Variants in SPAG1 observed in about 807,000 individuals in gnomAD.
SPAG1 encodes sperm associated antigen 1.
SPAG1 carries 69 observed loss-of-function variants against 100.5 expected under a neutral mutation model. That is an observed-to-expected ratio of 0.69 (90% CI 0.57 to 0.84). The LOEUF (loss-of-function observed/expected upper bound fraction) is 0.84. Ranked by LOEUF, SPAG1 falls within the 40% of genes least tolerant of loss-of-function variation. SPAG1 has a pLI of 0.00. For missense variants in SPAG1, 955 were observed against 1,133.1 expected, an observed-to-expected ratio of 0.84 and a Z score of 2.26; for synonymous variants, 336 against 411.6, an observed-to-expected ratio of 0.82 and a Z score of 2.22.
chr8:100,240,810 A>G, intron 18 of SPAG1, 39 bp downstream of exon 18: 1 of 1,564,452 alleles, frequency 6.4e-7, no homozygotes, highest in Non-Finnish European at 8.6e-7. Context: ...AATTGGTTTT[A>G]TTAGGGTTTC....
chr8:100,165,093 G>A, intron 2 of SPAG1: 1 of 348,050 alleles, frequency 2.9e-6, no homozygotes, highest in Middle Eastern at 1.0e-3. Context: ...AACAGGGACA[G>A]ATGAGTCTCA....
intron 13 of SPAG1, among the ~76,000 whole-genome samples, chr8:100,222,627 T>A (rs1309874454): frequency 1.3e-5 from 2 of 152,168 alleles, no homozygotes; most frequent in Non-Finnish European, 2.9e-5. Flanking sequence ...ACCGGAAGTA[T>A]CTGGCAGAGA....
chr8:100,211,917 T>G (rs972816151), intron 10 of SPAG1, among the ~76,000 whole-genome samples: 1 of 152,218 alleles, frequency 6.6e-6, no homozygotes, highest in Non-Finnish European at 1.5e-5. Flanking sequence ...TGACCATTGT[T>G]TCTGCCGACC....
At chr8:100,220,540 C>G in intron 13 of SPAG1, 109 bp downstream of exon 13, 1 of 877,448 alleles carries the variant, frequency 1.1e-6, no homozygotes. Flanking sequence ...TTACTTTTAT[C>G]ACCTGAATGA....
intron 10 of SPAG1, among the ~76,000 whole-genome samples, chr8:100,209,414 G>T (rs189328463): frequency 1.3e-3 from 191 of 147,340 alleles, no homozygotes; most frequent in African/African-American, 4.5e-3. Flanking sequence ...TCATTAGAGT[G>T]AGACCCTGTC....
Position 100,184,368 on chromosome 8 carries a change from A to C in SPAG1, c.596-260A>C, listed in dbSNP as rs746421803. ...AATTGTTTTCTTTTTGCTTCAAAACAAAAAGATGGGGCAGTTTATTGGACT... is the reference window on the plus strand; with the variant it reads ...AATTGTTTTCTTTTTGCTTCAAAACCAAAAGATGGGGCAGTTTATTGGACT... On this transcript the variant is annotated intron_variant, in intron 6 of 18. Coordinates refer to ENST00000388798, the MANE Select transcript of SPAG1 (RefSeq NM_003114.5). Among the ~76,000 whole-genome samples the C allele has an allele frequency of 1.1e-3, 165 of 152,254 alleles. 2 individuals carry two copies. Among genetic ancestry groups the C allele is most frequent in the Non-Finnish European group, 2.2e-3 (147 of 68,000 alleles).
At chr8:100,184,150 G>A (rs922412518) in intron 6 of SPAG1, 88 bp downstream of exon 6, 4 of 552,328 alleles carry the variant, frequency 7.2e-6, no homozygotes, top group East Asian at 3.4e-5. Flanking sequence ...TTGTCTTTGA[G>A]TACTGCACAG....
At chr8:100,214,664 T>C (rs920665636) in intron 12 of SPAG1, among the ~76,000 whole-genome samples, 13 of 152,070 alleles carry the variant, frequency 8.5e-5, no homozygotes, top group Non-Finnish European at 8.8e-5. Flanking sequence ...CGAGTGATGC[T>C]TCGATATATA....
At chr8:100,205,865 A>C (rs1817484332) in intron 10 of SPAG1, among the ~76,000 whole-genome samples, 1 of 151,600 alleles carries the variant, frequency 6.6e-6, no homozygotes, top group Admixed American at 6.6e-5. Flanking sequence ...AAATACAAAA[A>C]AAAATTAGCT....
Position 100,225,342 on chromosome 8 carries a change from G to T in SPAG1, c.1855+3G>T, listed in dbSNP as rs761019856. On this transcript the variant is annotated splice_donor_region_variant and intron_variant, in intron 14 of 18. Coordinates refer to ENST00000388798, the MANE Select transcript of SPAG1 (RefSeq NM_003114.5). ...CCATCGCCAGCAGGGCATCACAGGT[G>T]GGGGATGCCTGCACTCATTTCTTCT... 3.1e-6 allele frequency: 5 copies of T among 1,612,024 alleles called. No individual in the cohort carries two copies. The East Asian group carries it at 8.9e-5, about 29-fold the overall frequency.
intron 10 of SPAG1, among the ~76,000 whole-genome samples, chr8:100,208,409 T>C (rs1016809696): frequency 6.6e-6 from 1 of 152,122 alleles, no homozygotes; most frequent in South Asian, 2.1e-4. Context: ...AATGGGAAAT[T>C]ACAATAGCCC....
intron 13 of SPAG1, among the ~76,000 whole-genome samples, chr8:100,220,894 G>A (rs1047523192): frequency 1.3e-5 from 2 of 152,008 alleles, no homozygotes; most frequent in East Asian, 1.9e-4. Flanking sequence ...CCAACATGGC[G>A]AAACCCCATC....
chr8:100,166,557 T>C (rs560236029), intron 3 of SPAG1, among the ~76,000 whole-genome samples: 1 of 151,996 alleles, frequency 6.6e-6, no homozygotes, highest in South Asian at 2.1e-4. Context: ...ATGCCTGGCC[T>C]ATTTGTAATT....
chr8:100,228,994 C>T (rs894964978), intron 14 of SPAG1, among the ~76,000 whole-genome samples: 1 of 152,132 alleles, frequency 6.6e-6, no homozygotes, highest in Non-Finnish European at 1.5e-5. Context: ...AAATCAGGCT[C>T]AACTCATTAA....
At position 100,202,659 on chromosome 8, in the gene SPAG1, G is replaced by A. The variant is rs201559460; in HGVS notation, c.1096+8391G>A. 2.9e-4 allele frequency among the ~76,000 whole-genome samples: 38 copies of A among 130,850 alleles called. 1 individual carries two copies. In the Admixed American group the frequency reaches 3.2e-3, roughly 11 times the overall value. The allele number at this position is 130,850 out of a possible 152,430, so 85.8% of individuals were successfully genotyped here. On this transcript the variant is annotated intron_variant, in intron 10 of 18. Transcript: ENST00000388798. ...CGGGAGGCGGAGCTTGCAGTGAGCC[G>A]AGATCGCGCCACTGCACTCCAGCCT... is the stretch of plus-strand genomic sequence containing the variant.
At chr8:100,182,128 T>C (rs1816392774) in intron 4 of SPAG1, among the ~76,000 whole-genome samples, 1 of 152,266 alleles carries the variant, frequency 6.6e-6, no homozygotes, top group Non-Finnish European at 1.5e-5. Flanking sequence ...TTCTTCAGAC[T>C]ATATAGATAA....
chr8:100,217,081 C>T lies in SPAG1; in HGVS notation c.1535+3163C>T, dbSNP rs1818029951. On this transcript the variant is annotated intron_variant, in intron 12 of 18. Transcript: ENST00000388798. ...CCTCCCGAGTTGCTGGGATTACAGG[C>T]ACTCACCACCGCACCTGGCTAATTT... is the stretch of plus-strand genomic sequence containing the variant. Among the ~76,000 whole-genome samples the T allele has an allele frequency of 2.0e-5, 3 of 151,748 alleles. 1 individual carries two copies. The South Asian group carries it at 6.2e-4, about 32-fold the overall frequency.
At position 100,193,132 on chromosome 8, in the gene SPAG1, CAT is replaced by C. The variant is rs1816883379; in HGVS notation, c.940-976_940-975del. Reference sequence around the variant, plus strand: ...TATTGGACTTCATCAAAATTTAAAACATATACTTTTCAAAGACACTATTAGAA... The same window carrying C: ...TATTGGACTTCATCAAAATTTAAAACATACTTTTCAAAGACACTATTAGAA... On this transcript the variant is annotated intron_variant, in intron 9 of 18. Transcript: ENST00000388798. Among the ~76,000 whole-genome samples, 4 of 152,122 alleles carry C rather than the reference CAT, an allele frequency of 2.6e-5. No homozygotes were observed. The East Asian group carries it at 5.8e-4, about 22-fold the overall frequency.
intron 14 of SPAG1, among the ~76,000 whole-genome samples, chr8:100,229,403 G>A (rs144325015): frequency 0.03 from 4,499 of 152,098 alleles, 246 homozygotes; most frequent in African/African-American, 0.1. Flanking sequence ...CAGCCCGGGC[G>A]ACAGAGCGAG....
Sources: gnomAD v4.1 joint callset for allele counts (sites outside exome capture counted in the v4.1 genomes callset) on GRCh38, gnomAD v4.1.1 for gene constraint, MANE v1.5 for transcripts, NCBI Gene and HGNC (gene_info 2026-07-23, HGNC 2026-07-21) for gene names.